HHIPL1: variants seen among roughly 807,000 people sequenced by gnomAD.
HHIPL1 encodes the protein HHIP-like protein 1.
Under a neutral mutation model 61.8 loss-of-function variants are expected in HHIPL1, and 43 were observed. The observed-to-expected ratio is 0.70, with a 90% CI of 0.55 to 0.90. The LOEUF (loss-of-function observed/expected upper bound fraction) is 0.90. Ranked by LOEUF, HHIPL1 falls within the 40% of genes least tolerant of loss-of-function variation. The pLI is 0.00. For synonymous variants in HHIPL1, 482 were observed against 515.8 expected, an observed-to-expected ratio of 0.93 and a Z score of 0.89; for missense variants, 1,056 against 1,157.7, an observed-to-expected ratio of 0.91 and a Z score of 1.28.
chr14:99,637,092 G>GA, the HHIPL1 span, among the ~76,000 whole-genome samples: 14 of 88,934 alleles, frequency 1.6e-4, no homozygotes, highest in Admixed American at 3.0e-4. Context: ...AAGAAAGAAA[G>GA]AAGGAAGGAA....
the HHIPL1 span, among the ~76,000 whole-genome samples, chr14:99,635,553 G>A: frequency 1.1e-3 from 174 of 152,230 alleles, 1 homozygote; most frequent in African/African-American, 4.2e-3. Flanking sequence ...TTAGACTCTG[G>A]GGTCTCCTCC....
At chr14:99,607,093 G>T in the HHIPL1 span, among the ~76,000 whole-genome samples, 1 of 144,770 alleles carries the variant, frequency 6.9e-6, no homozygotes, top group Non-Finnish European at 1.5e-5. Flanking sequence ...GAGTGCAGTG[G>T]CATGATCTTG....
chr14:99,651,931 G>T (rs1042982574), intron 1 of HHIPL1, among the ~76,000 whole-genome samples: 2 of 152,168 alleles, frequency 1.3e-5, no homozygotes, highest in Non-Finnish European at 2.9e-5. Flanking sequence ...CACAGAGAGG[G>T]TGGGTGACAG....
intron 1 of HHIPL1, among the ~76,000 whole-genome samples, chr14:99,651,589 A>G (rs886969048): frequency 1.3e-5 from 2 of 152,154 alleles, no homozygotes; most frequent in Non-Finnish European, 2.9e-5. Context: ...GTCACCTCCC[A>G]CCAGGCTCCT....
the HHIPL1 span, among the ~76,000 whole-genome samples, chr14:99,616,848 C>T: frequency 3.9e-5 from 6 of 152,248 alleles, no homozygotes; most frequent in Admixed American, 6.5e-5. Flanking sequence ...TTTATGCCCA[C>T]AGGAAGGATC....
At chr14:99,634,052 G>A in the HHIPL1 span, among the ~76,000 whole-genome samples, 1 of 152,194 alleles carries the variant, frequency 6.6e-6, no homozygotes, top group East Asian at 1.9e-4. Context: ...CGGTGGTGAG[G>A]AAAGGGAGGC....
the HHIPL1 span, among the ~76,000 whole-genome samples, chr14:99,633,183 G>C: frequency 6.6e-6 from 1 of 152,190 alleles, no homozygotes; most frequent in Non-Finnish European, 1.5e-5. Context: ...GCTGAAGCTA[G>C]GCTGGGGGAA....
chr14:99,620,514 G>A, the HHIPL1 span, among the ~76,000 whole-genome samples: 1 of 152,242 alleles, frequency 6.6e-6, no homozygotes, highest in Non-Finnish European at 1.5e-5. Flanking sequence ...CGAGAAGAGG[G>A]GTGTCCAGGC....
At chr14:99,634,927 T>C in the HHIPL1 span, among the ~76,000 whole-genome samples, 1 of 152,132 alleles carries the variant, frequency 6.6e-6, no homozygotes, top group Non-Finnish European at 1.5e-5. Context: ...TGGAGGGCAG[T>C]GTAATGAGCC....
the HHIPL1 span, among the ~76,000 whole-genome samples, chr14:99,630,773 C>T: frequency 1.2e-3 from 189 of 152,300 alleles, 3 homozygotes; most frequent in East Asian, 5.8e-4. Context: ...GTTGGAAGTC[C>T]GAGATCGAGG....
intron 7 of HHIPL1, among the ~76,000 whole-genome samples, chr14:99,671,862 A>T (rs1161248534): frequency 6.6e-6 from 1 of 152,166 alleles, no homozygotes; most frequent in Admixed American, 6.5e-5. Flanking sequence ...CAGATCCTGC[A>T]TCAGAAATCC....
rs772197015 is a variant in HHIPL1 at position 99,668,282 on chromosome 14, A to G, written c.1709A>G (p.Tyr570Cys). 1.9e-6 allele frequency: 3 copies of G among 1,611,022 alleles called. No homozygotes were observed. Among genetic ancestry groups the G allele is most frequent in the Admixed American group, 1.7e-5 (1 of 60,020 alleles). The change falls in exon 7 of 9, where the codon TAC (tyrosine) becomes TGC (cysteine). Residue 570 changes from tyrosine (Y) to cysteine (C), a missense_variant. Physicochemically the swap from Tyr to Cys is radical, Grantham distance 194. Transcript: ENST00000330710. The surrounding 1 kb of genome is among the most constrained non-coding windows in gnomAD (Gnocchi z 4.7). ...GCCACAGCTCCACGCGGAGTTGTCTACAAAATAATTGACGCATCCAGGTGA... is the reference window on the plus strand; with the variant it reads ...GCCACAGCTCCACGCGGAGTTGTCTGCAAAATAATTGACGCATCCAGGTGA... ...PSATAPRGVVYKIIDASRRAP... is the reference protein window; with the variant it reads ...PSATAPRGVVCKIIDASRRAP...
upstream of HHIPL1, among the ~76,000 whole-genome samples, chr14:99,642,862 A>G (rs946071719): frequency 9.2e-5 from 14 of 151,472 alleles, no homozygotes; most frequent in African/African-American, 3.4e-4. Flanking sequence ...CTCTGCTTCT[A>G]TTACCCATTT....
At chr14:99,634,685 C>T in the HHIPL1 span, among the ~76,000 whole-genome samples, 2 of 152,288 alleles carry the variant, frequency 1.3e-5, no homozygotes, top group Admixed American at 6.5e-5. Context: ...CGGGCTCAGC[C>T]AGGGCCTTCT....
At chr14:99,637,083 A>G in the HHIPL1 span, among the ~76,000 whole-genome samples, 1 of 126,798 alleles carries the variant, frequency 7.9e-6, no homozygotes, top group African/African-American at 2.8e-5. Context: ...AGAGAGAGAA[A>G]GAAAGAAAGA....
At chr14:99,670,480 G>A (rs1262015432) in intron 7 of HHIPL1, among the ~76,000 whole-genome samples, 1 of 152,054 alleles carries the variant, frequency 6.6e-6, no homozygotes, top group East Asian at 1.9e-4. Context: ...AGGATCCTGT[G>A]TTGCCTTTAG....
Position 99,675,382 on chromosome 14 carries a change from A to G in HHIPL1, c.2105A>G (p.Asp702Gly), listed in dbSNP as rs1401528477. The change falls in exon 9 of 9, where the codon GAC becomes GGC. Residue 702 changes from aspartate to glycine, a missense_variant. Coordinates refer to ENST00000330710, the MANE Select transcript of HHIPL1 (RefSeq NM_001127258.3). The surrounding 1 kb of genome is among the most constrained non-coding windows in gnomAD (Gnocchi z 5.4). ...VGGRWGTVCDDSWNISGAAVV... is the reference protein window; with the variant it reads ...VGGRWGTVCDGSWNISGAAVV... ...GGACGCTGGGGCACCGTGTGCGACG[A>G]CTCCTGGAACATCAGCGGCGCCGCC... 1.3e-6 allele frequency: 2 copies of G among 1,517,672 alleles called. No individual in the cohort carries two copies. The highest frequency in any genetic ancestry group is 2.5e-5 in the East Asian group (1 of 39,568). 94.0% of individuals were successfully genotyped at this position (1,517,672 alleles called of 1,614,324 possible).
the HHIPL1 span, among the ~76,000 whole-genome samples, chr14:99,618,441 C>T: frequency 6.6e-6 from 1 of 152,334 alleles, no homozygotes; most frequent in South Asian, 2.1e-4. Flanking sequence ...ATGTCCAGCT[C>T]CCCACTGGGC....
chr14:99,649,199 G>T (rs1399901790), intron 1 of HHIPL1, among the ~76,000 whole-genome samples: 1 of 152,214 alleles, frequency 6.6e-6, no homozygotes, highest in African/African-American at 2.4e-5. Flanking sequence ...ACGCACGGAT[G>T]CCGAGGTCTT....
Sources: allele counts gnomAD v4.1 joint callset (sites outside exome capture counted in the v4.1 genomes callset), GRCh38; gene constraint gnomAD v4.1.1; non-coding constraint Gnocchi (gnomAD v3.1); transcripts MANE v1.5; gene names NCBI Gene and HGNC (gene_info 2026-07-23, HGNC 2026-07-21).